The following CENPP variants were observed in gnomAD, a reference collection of about 807,000 sequenced individuals.
CENPP encodes the protein centromere protein P.
CENPP carries 24 observed loss-of-function variants against 35.6 expected under a neutral mutation model. That is an observed-to-expected ratio of 0.67 (90% CI 0.49 to 0.95). The LOEUF (loss-of-function observed/expected upper bound fraction) is 0.95. Among genes scored for constraint, CENPP ranks in the 40% least tolerant of loss-of-function variants. The pLI is 0.00. For missense variants in CENPP, 332 were observed against 345.3 expected, an observed-to-expected ratio of 0.96 and a Z score of 0.31; for synonymous variants, 120 against 125.5, an observed-to-expected ratio of 0.96 and a Z score of 0.29.
At chr9:92,590,888 A>C (rs932353566) in intron 5 of CENPP, among the ~76,000 whole-genome samples, 3 of 152,232 alleles carry the variant, frequency 2.0e-5, no homozygotes, top group Non-Finnish European at 4.4e-5. Flanking sequence ...CCGTTTATTC[A>C]AACGTGATGC....
intron 5 of CENPP, chr9:92,456,977 C>T: frequency 1.8e-6 from 2 of 1,093,016 alleles, no homozygotes; most frequent in South Asian, 6.1e-5. Flanking sequence ...TGCTTGATAA[C>T]AAAGTGTTAA....
intron 2 of CENPP, among the ~76,000 whole-genome samples, chr9:92,334,128 T>TG (rs1226456695): frequency 6.6e-6 from 1 of 150,794 alleles, no homozygotes; most frequent in East Asian, 1.9e-4. Context: ...AGGGTTTTTT[T>TG]TTTTTTTTTT....
intron 5 of CENPP, among the ~76,000 whole-genome samples, chr9:92,518,848 C>T (rs370626561): frequency 7.9e-5 from 12 of 152,316 alleles, no homozygotes; most frequent in African/African-American, 2.9e-4. Context: ...AAGATCGTTC[C>T]ACTGTACTCC....
At chr9:92,374,467 A>G (rs1333381946) in intron 4 of CENPP, among the ~76,000 whole-genome samples, 3 of 152,120 alleles carry the variant, frequency 2.0e-5, no homozygotes, top group Non-Finnish European at 4.4e-5. Context: ...CGGCCTCCCA[A>G]TCTTTAGTTA....
chr9:92,497,556 C>T (rs890237090), intron 5 of CENPP, among the ~76,000 whole-genome samples: 10 of 149,038 alleles, frequency 6.7e-5, no homozygotes, highest in Admixed American at 2.0e-4. Flanking sequence ...CCTGGGAGGT[C>T]GAGGTTGCAG....
At chr9:92,547,480 A>G (rs1452955327) in intron 5 of CENPP, among the ~76,000 whole-genome samples, 2 of 152,268 alleles carry the variant, frequency 1.3e-5, no homozygotes, top group African/African-American at 4.8e-5. Flanking sequence ...AATAAAAAGG[A>G]ATGTCATACT....
chr9:92,510,284 T>C lies in CENPP; in HGVS notation c.565-101030T>C, dbSNP rs574731751. Among the ~76,000 whole-genome samples the C allele has an allele frequency of 8.1e-4, 124 of 152,346 alleles. No individual in the cohort carries two copies. The highest frequency in any genetic ancestry group is 2.7e-3 in the African/African-American group (113 of 41,582). ...TTGTAGCTTACTCACCACGTTTATA[T>C]TGCAGCTTTAGAAAGTGAGAGAAAG... On this transcript the variant is annotated intron_variant, in intron 5 of 7. Coordinates refer to ENST00000375587, the MANE Select transcript of CENPP (RefSeq NM_001012267.3).
rs999045372 is a variant in CENPP, at chr9:92,616,798, C to T, written c.*3649C>T. 1.3e-5 allele frequency: 2 copies of T among 152,248 alleles called. No homozygotes were observed. The highest frequency in any genetic ancestry group is 6.5e-5 in the Admixed American group (1 of 15,268). The allele number at this position is 152,248 out of a possible 1,614,324, so 9.4% of individuals were successfully genotyped here. ...TGCTGTGTGTCCCGCTTTTCGTCTCCGGGCACTCAGCGCACAGCACTCAAG... is the reference window on the plus strand; with the variant it reads ...TGCTGTGTGTCCCGCTTTTCGTCTCTGGGCACTCAGCGCACAGCACTCAAG... On this transcript the variant is annotated 3_prime_UTR_variant, in exon 8 of 8. Transcript: ENST00000375587.
At position 92,615,562 on chromosome 9, in the gene CENPP, T is replaced by C. The variant is rs1359603660; in HGVS notation, c.*2413T>C. The C allele has an allele frequency of 5.0e-6, 2 of 401,102 alleles. No homozygotes were observed. The highest frequency in any genetic ancestry group is 4.1e-5 in the African/African-American group (2 of 48,884). The allele number at this position is 401,102 out of a possible 1,614,324, so 24.8% of individuals were successfully genotyped here. On this transcript the variant is annotated 3_prime_UTR_variant, in exon 8 of 8. Coordinates refer to ENST00000375587, the MANE Select transcript of CENPP (RefSeq NM_001012267.3). ...TGAGCCCTGGTTGGGAAAGAAGAAC[T>C]ATCCAGAACGTCTTCCCAGGGCTTA...
chr9:92,522,755 A>T (rs778894837), intron 5 of CENPP: 1 of 1,614,096 alleles, frequency 6.2e-7, no homozygotes, highest in South Asian at 1.1e-5. Context: ...CTTTTCCTCA[A>T]CCTTCTGTGG....
chr9:92,594,785 T>C (rs1279068026), intron 5 of CENPP, among the ~76,000 whole-genome samples: 2 of 151,828 alleles, frequency 1.3e-5, no homozygotes, highest in Non-Finnish European at 2.9e-5. Flanking sequence ...CAAGACCCCA[T>C]CTCTACAAAC....
chr9:92,372,058 A>AG (rs1025540672), intron 4 of CENPP, among the ~76,000 whole-genome samples: 1 of 148,030 alleles, frequency 6.8e-6, no homozygotes, highest in African/African-American at 2.5e-5. Flanking sequence ...AAAAAAAAAA[A>AG]AAGTGCTGGG....
intron 5 of CENPP, among the ~76,000 whole-genome samples, chr9:92,411,762 A>G (rs550346327): frequency 6.6e-6 from 1 of 152,350 alleles, no homozygotes; most frequent in South Asian, 2.1e-4. Context: ...TGAAACAAGT[A>G]ATTACCATGT....
At chr9:92,326,839 A>G (rs977871975) in intron 1 of CENPP, among the ~76,000 whole-genome samples, 10 of 152,242 alleles carry the variant, frequency 6.6e-5, no homozygotes, top group African/African-American at 9.6e-5. Flanking sequence ...ACTGTCTTCA[A>G]TTTTTGAGTC....
rs1046267703 is a variant in CENPP at position 92,593,788 on chromosome 9, G to A, written c.565-17526G>A. ...TAAGTTTTTTTCTTTAAATTCTTTC[G>A]GTAAAAAATGGGAGCCACTTATTAA... On this transcript the variant is annotated intron_variant, in intron 5 of 7. Coordinates refer to ENST00000375587, the MANE Select transcript of CENPP (RefSeq NM_001012267.3). The surrounding 1 kb of genome is among the most constrained non-coding windows in gnomAD (Gnocchi z 4.1). 5.3e-5 allele frequency among the ~76,000 whole-genome samples: 8 copies of A among 151,980 alleles called. No homozygotes were observed. The highest frequency in any genetic ancestry group is 1.4e-4 in the African/African-American group (6 of 41,380).
intron 5 of CENPP, among the ~76,000 whole-genome samples, chr9:92,434,782 C>T (rs1238870406): frequency 6.6e-6 from 1 of 152,174 alleles, no homozygotes; most frequent in Non-Finnish European, 1.5e-5. Context: ...GTGGCTCACA[C>T]CTGTAATCCC....
intron 5 of CENPP, chr9:92,416,851 C>T: frequency 6.2e-7 from 1 of 1,613,838 alleles, no homozygotes; most frequent in Non-Finnish European, 8.5e-7. Flanking sequence ...AAGACAGATA[C>T]ATAAGTGAAG....
At chr9:92,386,569 C>T (rs1842430214) in intron 5 of CENPP, among the ~76,000 whole-genome samples, 1 of 152,012 alleles carries the variant, frequency 6.6e-6, no homozygotes, top group Admixed American at 6.6e-5. Context: ...TCTGAATATC[C>T]GGCTCTAATG....
At chr9:92,598,744 G>GTT (rs199711969) in intron 5 of CENPP, among the ~76,000 whole-genome samples, 1 of 135,682 alleles carries the variant, frequency 7.4e-6, no homozygotes, top group Non-Finnish European at 1.6e-5. Flanking sequence ...TAACTGAAGG[G>GTT]GTTTTTTTTT....
Sources: allele counts gnomAD v4.1 joint callset (sites outside exome capture counted in the v4.1 genomes callset), GRCh38; gene constraint gnomAD v4.1.1; non-coding constraint Gnocchi (gnomAD v3.1); transcripts MANE v1.5; gene names NCBI Gene and HGNC (gene_info 2026-07-23, HGNC 2026-07-21).